The following DOCK3 variants were observed in gnomAD, a reference collection of about 807,000 sequenced individuals.
DOCK3 encodes the protein dedicator of cytokinesis 3.
DOCK3 carries 60 observed loss-of-function variants against 265.6 expected under a neutral mutation model. That is an observed-to-expected ratio of 0.23 (90% CI 0.18 to 0.28). The LOEUF (loss-of-function observed/expected upper bound fraction) is 0.28. Among genes scored for constraint, DOCK3 ranks in the 10% least tolerant of loss-of-function variants. The pLI is 1.00. For missense variants in DOCK3, 1,981 were observed against 2,594.3 expected (o/e 0.76, Z 5.14); for synonymous variants, 881 against 938.0 (o/e 0.94, Z 1.11).
At chr3:51,047,740 T>C (rs1161250909) in intron 5 of DOCK3, among the ~76,000 whole-genome samples, 2 of 152,022 alleles carry the variant, frequency 1.3e-5, no homozygotes, top group Non-Finnish European at 2.9e-5. Flanking sequence ...GGAGATTGAA[T>C]TAGTAATCAA....
chr3:50,691,879 C>T (rs547917553), intron 1 of DOCK3, among the ~76,000 whole-genome samples: 13 of 150,064 alleles, frequency 8.7e-5, no homozygotes, highest in East Asian at 5.8e-4. Context: ...AATGTCTGTT[C>T]GAATCCTTTG....
intron 27 of DOCK3, among the ~76,000 whole-genome samples, chr3:51,307,770 G>A (rs1333016903): frequency 6.6e-6 from 1 of 151,108 alleles, no homozygotes; most frequent in African/African-American, 2.4e-5. Flanking sequence ...GGCCCCCTAT[G>A]GATATTTCAT....
At chr3:51,237,339 A>G in intron 20 of DOCK3, 151 bp from the exon 21 acceptor site, 1 of 682,930 alleles carries the variant, frequency 1.5e-6, no homozygotes, top group Non-Finnish European at 2.5e-6. Flanking sequence ...ACAGACACAG[A>G]ATGGAAATCT....
intron 2 of DOCK3, among the ~76,000 whole-genome samples, chr3:50,807,632 A>G (rs2043509433): frequency 6.6e-6 from 1 of 152,248 alleles, no homozygotes; most frequent in Non-Finnish European, 1.5e-5. Flanking sequence ...CAGAATGGAA[A>G]GGAAAAGTTG....
At chr3:50,738,035 G>A (rs1364959826) in intron 1 of DOCK3, among the ~76,000 whole-genome samples, 1 of 152,172 alleles carries the variant, frequency 6.6e-6, no homozygotes, top group African/African-American at 2.4e-5. Context: ...TTACAGGCTG[G>A]TTTTGGCAGG....
At chr3:50,983,224 A>C (rs1198727356) in intron 5 of DOCK3, among the ~76,000 whole-genome samples, 1 of 152,142 alleles carries the variant, frequency 6.6e-6, no homozygotes, top group Admixed American at 6.5e-5. Flanking sequence ...GCTGGCCTGC[A>C]GGTGCCCCTT....
chr3:50,966,543 A>G (rs1376861832), intron 5 of DOCK3, among the ~76,000 whole-genome samples: 5 of 119,350 alleles, frequency 4.2e-5, no homozygotes, highest in Non-Finnish European at 6.6e-5. Flanking sequence ...AACACTTGTG[A>G]GGTGATATCT....
intron 5 of DOCK3, among the ~76,000 whole-genome samples, chr3:50,979,413 ATC>A (rs1286150742): frequency 6.6e-6 from 1 of 152,004 alleles, no homozygotes; most frequent in African/African-American, 2.4e-5. Flanking sequence ...ATGGGGGTGG[ATC>A]TCTCATGAAT....
chr3:50,804,684 C>A lies in DOCK3; in HGVS notation c.121+25926C>A, dbSNP rs9823104. Among the ~76,000 whole-genome samples the A allele has an allele frequency of 2.8e-3, 419 of 151,048 alleles. 3 individuals are homozygous for A. Among genetic ancestry groups the A allele is most frequent in the African/African-American group, 9.8e-3 (401 of 41,018 alleles). ...GGGAGGTTGTAGTGAGCCAAGATGGCGGCACTATAGTCCAGCCTCCGCTTG... is the reference window on the plus strand; with the variant it reads ...GGGAGGTTGTAGTGAGCCAAGATGGAGGCACTATAGTCCAGCCTCCGCTTG... On this transcript the variant is annotated intron_variant, in intron 2 of 52. Coordinates refer to ENST00000266037, the MANE Select transcript of DOCK3 (RefSeq NM_004947.5).
At chr3:50,970,948 ATGTGTGTG>A (rs71637577) in intron 5 of DOCK3, among the ~76,000 whole-genome samples, 2 of 51,758 alleles carry the variant, frequency 3.9e-5, no homozygotes, top group African/African-American at 8.7e-5. Flanking sequence ...TATATATATA[ATGTGTGTG>A]TGTGTGTGTG....
intron 1 of DOCK3, among the ~76,000 whole-genome samples, chr3:50,725,566 C>T (rs1216258165): frequency 6.6e-6 from 1 of 152,074 alleles, no homozygotes; most frequent in Non-Finnish European, 1.5e-5. Flanking sequence ...TAAAAAATAA[C>T]CACCAAGTGA....
intron 27 of DOCK3, among the ~76,000 whole-genome samples, chr3:51,304,317 C>A (rs926120011): frequency 6.6e-6 from 1 of 151,774 alleles, no homozygotes; most frequent in African/African-American, 2.4e-5. Context: ...GTGAGCTAAT[C>A]ATCTTAGGCA....
chr3:50,921,439 A>G (rs142649866), intron 4 of DOCK3, among the ~76,000 whole-genome samples: 1 of 152,292 alleles, frequency 6.6e-6, no homozygotes, highest in African/African-American at 2.4e-5. Flanking sequence ...TATTCTAGTT[A>G]GCCATTCGTC....
chr3:51,268,038 G>A (rs945159285), intron 23 of DOCK3, among the ~76,000 whole-genome samples: 2 of 152,132 alleles, frequency 1.3e-5, no homozygotes, highest in Non-Finnish European at 2.9e-5. Flanking sequence ...AATACCTAAT[G>A]TAGATGATGG....
chr3:50,822,619 C>G (rs751566330), intron 2 of DOCK3, among the ~76,000 whole-genome samples: 1 of 152,220 alleles, frequency 6.6e-6, no homozygotes, highest in East Asian at 1.9e-4. Flanking sequence ...ATTTCAGTCT[C>G]CTGAATAGCT....
intron 5 of DOCK3, among the ~76,000 whole-genome samples, chr3:51,009,347 A>C (rs1243880530): frequency 1.3e-5 from 2 of 152,096 alleles, no homozygotes; most frequent in Non-Finnish European, 1.5e-5. Context: ...TAGTCTTGGG[A>C]GGATGTATGT....
At chr3:51,160,330 A>C (rs575035268) in intron 11 of DOCK3, among the ~76,000 whole-genome samples, 2 of 152,358 alleles carry the variant, frequency 1.3e-5, no homozygotes, top group South Asian at 4.1e-4. Flanking sequence ...TTAGAGTTAG[A>C]TAAGAATGAT....
intron 24 of DOCK3, among the ~76,000 whole-genome samples, chr3:51,273,788 C>T (rs182473083): frequency 1.3e-5 from 2 of 152,170 alleles, no homozygotes; most frequent in African/African-American, 2.4e-5. Flanking sequence ...ATCTAAAATG[C>T]CATGGCTTGT....
intron 5 of DOCK3, among the ~76,000 whole-genome samples, chr3:51,057,448 A>G (rs2109191970): frequency 6.6e-6 from 1 of 152,312 alleles, no homozygotes; most frequent in East Asian, 1.9e-4. Context: ...CTTTTATTTT[A>G]GCAGTGACAG....
Sources: gnomAD v4.1 joint callset for allele counts (sites outside exome capture counted in the v4.1 genomes callset) on GRCh38, gnomAD v4.1.1 for gene constraint, MANE v1.5 for transcripts, NCBI Gene and HGNC (gene_info 2026-07-23, HGNC 2026-07-21) for gene names.